MCM9: variants seen among roughly 807,000 people sequenced by gnomAD.
The protein encoded by MCM9 is DNA helicase MCM9.
In MCM9, 55 loss-of-function variants were observed where a neutral mutation model predicts 72.8. The observed-to-expected ratio is 0.76, with a 90% CI of 0.61 to 0.95. The LOEUF (loss-of-function observed/expected upper bound fraction) is 0.95, where lower values mean the gene tolerates loss of function less well. MCM9 is among the 40% of genes least tolerant of loss of function. The pLI is 0.00. For synonymous variants in MCM9, 480 were observed against 503.4 expected, an observed-to-expected ratio of 0.95 and a Z score of 0.62; for missense variants, 1,279 against 1,377.0, an observed-to-expected ratio of 0.93 and a Z score of 1.13.
chr6:118,913,425 GA>G lies in MCM9; in HGVS notation c.905-6del, dbSNP rs1780703333. On this transcript the variant is annotated splice_polypyrimidine_tract_variant and splice_region_variant and intron_variant, in intron 6 of 13. Transcript: ENST00000619706. The stretch of plus-strand genomic sequence containing the variant: ...TAGCCAATATTACATTCCTTCCTAG[GA>G]AAAGCAGAAAGATCAGAAATCAGCA... 3 of 1,611,288 alleles carry G rather than the reference GA, an allele frequency of 1.9e-6. No individual in the cohort carries two copies. In the African/African-American group the frequency reaches 4.0e-5, roughly 22 times the overall value.
At chr6:118,890,516 G>A (rs991428279) in intron 8 of MCM9, among the ~76,000 whole-genome samples, 2 of 151,922 alleles carry the variant, frequency 1.3e-5, no homozygotes, top group African/African-American at 4.8e-5. Context: ...TTTCTATTTC[G>A]CATCATACTT....
intron 9 of MCM9, among the ~76,000 whole-genome samples, chr6:118,842,787 G>C (rs1775464226): frequency 6.6e-6 from 1 of 152,030 alleles, no homozygotes; most frequent in South Asian, 2.1e-4. Flanking sequence ...CCAAAGTGCT[G>C]GGATTACAAG....
chr6:118,823,579 C>A (rs1015381797), intron 13 of MCM9, among the ~76,000 whole-genome samples: 2 of 152,212 alleles, frequency 1.3e-5, no homozygotes, highest in African/African-American at 4.8e-5. Context: ...TTTCAAATTT[C>A]CCTTTGGTCA....
intron 11 of MCM9, 43 bp from the exon 12 acceptor site, chr6:118,826,907 T>A: frequency 6.8e-7 from 1 of 1,468,930 alleles, no homozygotes; most frequent in Non-Finnish European, 9.3e-7. Flanking sequence ...ATATTTGAGG[T>A]GAGAAATGTA....
At chr6:118,875,893 G>A (rs1349181967) in intron 8 of MCM9, among the ~76,000 whole-genome samples, 2 of 152,082 alleles carry the variant, frequency 1.3e-5, no homozygotes, top group African/African-American at 2.4e-5. Context: ...GTTTACATAA[G>A]GCACTGGAAA....
intron 3 of MCM9, among the ~76,000 whole-genome samples, chr6:118,924,714 G>GT (rs879489496): frequency 6.6e-6 from 1 of 152,134 alleles, no homozygotes; most frequent in Non-Finnish European, 1.5e-5. Flanking sequence ...AAAGCCTTGT[G>GT]TTTTTCAACA....
intron 8 of MCM9, among the ~76,000 whole-genome samples, chr6:118,878,071 A>G (rs1040863625): frequency 3.3e-5 from 5 of 152,148 alleles, no homozygotes; most frequent in Non-Finnish European, 5.9e-5. Context: ...CTAAGACAAG[A>G]AGACTGCTTG....
At chr6:118,914,818 GGACA>G (rs1283080566) in intron 6 of MCM9, among the ~76,000 whole-genome samples, 1 of 152,154 alleles carries the variant, frequency 6.6e-6, no homozygotes, top group Admixed American at 6.6e-5. Context: ...TGTGGTAAGA[GGACA>G]GGCTCTGGTG....
chr6:118,909,501 G>A (rs373048427), intron 8 of MCM9, among the ~76,000 whole-genome samples: 4 of 151,840 alleles, frequency 2.6e-5, no homozygotes, highest in East Asian at 3.9e-4. Context: ...TTTTCCACCC[G>A]GTCTAGCGTC....
intron 4 of MCM9, among the ~76,000 whole-genome samples, chr6:118,922,389 A>G (rs1198992800): frequency 6.6e-5 from 10 of 152,202 alleles, no homozygotes; most frequent in African/African-American, 2.4e-4. Context: ...TATCTAGAAA[A>G]GAGGGGTATT....
chr6:118,829,264 C>G lies in MCM9; in HGVS notation c.1326-14G>C, dbSNP rs1423768547. On this transcript the variant is annotated splice_polypyrimidine_tract_variant and intron_variant, in intron 9 of 13. Transcript: ENST00000619706. The stretch of plus-strand genomic sequence containing the variant: ...TTGCACACGAGGCTGCCAGGAGAGA[C>G]AGTACAATTCACTGATTGTGAGGTT... The G allele has an allele frequency of 1.3e-6, 2 of 1,531,842 alleles. No individual in the cohort carries two copies. The highest frequency in any genetic ancestry group is 1.8e-6 in the Non-Finnish European group (2 of 1,134,230). 94.9% of individuals were successfully genotyped at this position (1,531,842 alleles called of 1,614,324 possible). A position where few individuals can be genotyped will look rare whatever the true frequency, so the allele number is the denominator to read the frequency against.
intron 8 of MCM9, chr6:118,908,541 T>G (rs1316930682): frequency 6.6e-6 from 1 of 152,122 alleles, no homozygotes. Flanking sequence ...GATACGTTAC[T>G]ATTTTGGAAA....
chr6:118,917,841 T>G, intron 5 of MCM9, 80 bp from the exon 6 acceptor site: 1 of 1,272,588 alleles, frequency 7.9e-7, no homozygotes, highest in Admixed American at 1.8e-5. Flanking sequence ...GGACCAGAAA[T>G]TAGAAATAAA....
At position 118,924,108 on chromosome 6, in the gene MCM9, C is replaced by T. The variant is rs1331061317; in HGVS notation, c.324G>A (p.Glu108=). ...TTTTAGGTATGTGTTCCCTCACCAG[C>T]TCAGGACAGACAGGCAAACCTGATG... ...ARISGLPVCP[E]LVREHIPKTK... is the part of the protein sequence containing the mutation. Residue 108 remains glutamate (E), a synonymous_variant, in exon 4 of 14, where the codon GAG becomes GAA. Coordinates refer to ENST00000619706, the MANE Select transcript of MCM9 (RefSeq NM_017696.3). The T allele has an allele frequency of 1.2e-6, 2 of 1,613,866 alleles. No individual in the cohort carries two copies. Among genetic ancestry groups the T allele is most frequent in the East Asian group, 2.2e-5 (1 of 44,882 alleles).
chr6:118,864,953 C>T (rs137944187), intron 8 of MCM9, among the ~76,000 whole-genome samples: 1,584 of 152,178 alleles, frequency 0.01, 28 homozygotes, highest in African/African-American at 0.036. Context: ...TGTCTTCTAA[C>T]GAACTTGCTT....
At chr6:118,829,683 C>T (rs1213873150) in intron 9 of MCM9, among the ~76,000 whole-genome samples, 2 of 152,188 alleles carry the variant, frequency 1.3e-5, no homozygotes, top group African/African-American at 4.8e-5. Flanking sequence ...GAAGCAAACA[C>T]TGTGAAGCAG....
At chr6:118,835,568 C>A (rs1385672740) in intron 9 of MCM9, among the ~76,000 whole-genome samples, 1 of 152,142 alleles carries the variant, frequency 6.6e-6, no homozygotes, top group Non-Finnish European at 1.5e-5. Flanking sequence ...TGTTTCACAT[C>A]CCTTGTAAGT....
chr6:118,877,993 C>A (rs1388520008), intron 8 of MCM9, among the ~76,000 whole-genome samples: 1 of 152,062 alleles, frequency 6.6e-6, no homozygotes, highest in Non-Finnish European at 1.5e-5. Context: ...GAGAGTTCAT[C>A]TCTACAAAAA....
At chr6:118,827,387 GA>G in intron 11 of MCM9, among the ~76,000 whole-genome samples, 1 of 152,182 alleles carries the variant, frequency 6.6e-6, no homozygotes, top group East Asian at 1.9e-4. Flanking sequence ...CAGTTCATGT[GA>G]ATTCTTTTTT....
Sources: gnomAD v4.1 joint callset for allele counts (sites outside exome capture counted in the v4.1 genomes callset) on GRCh38, gnomAD v4.1.1 for gene constraint, MANE v1.5 for transcripts, NCBI Gene and HGNC (gene_info 2026-07-23, HGNC 2026-07-21) for gene names.